CACNA1D: variants seen among roughly 807,000 people sequenced by gnomAD.
CACNA1D encodes the protein calcium voltage-gated channel subunit alpha1 D, also known as voltage-dependent L-type calcium channel subunit alpha-1D.
A neutral mutation model predicts 257.1 loss-of-function variants in CACNA1D; 55 were observed. The ratio of observed to expected loss-of-function variants is 0.21; its 90% CI spans 0.17 to 0.27. CACNA1D has a LOEUF of 0.27. Ranked by LOEUF, CACNA1D falls within the 10% of genes least tolerant of loss-of-function variation. The probability of loss-of-function intolerance (pLI) is 1.00; values close to 1 mark genes in which losing one functional copy is unlikely to be tolerated. For synonymous variants in CACNA1D, 980 were observed against 1,014.9 expected (o/e 0.97, Z 0.65); for missense variants, 1,876 against 2,784.0 (o/e 0.67, Z 7.34).
rs745397912 is a variant in CACNA1D at position 53,811,138 on chromosome 3, G to A, written c.6218G>A (p.Arg2073His). The A allele has an allele frequency of 8.7e-6, 14 of 1,613,832 alleles. No individual in the cohort carries two copies. Among genetic ancestry groups the A allele is most frequent in the East Asian group, 2.2e-5 (1 of 44,892 alleles). ...EAVLISEGLG[R>H]YARDPKFVSA... ...GTCCTGATATCCGAAGGCTTGGGAC[G>A]CTATGCAAGGGACCCAAAATTTGTG... Residue 2073 changes from arginine to histidine, a missense_variant, in exon 48 of 48, where the codon CGC (arginine) becomes CAC (histidine). By Grantham distance (29) the Arg-to-His change is conservative. Transcript: ENST00000350061. The surrounding 1 kb of genome is among the most constrained non-coding windows in gnomAD (Gnocchi z 4.2).
chr3:53,512,243 A>G lies in CACNA1D; in HGVS notation c.483+10523A>G, dbSNP rs1304311357. On this transcript the variant is annotated intron_variant, in intron 3 of 47. Transcript: ENST00000350061. ...TGGTGGGAGTGAAATTAAAACATCC[A>G]AAATTCTAAATTAGAATGTGGCAAA... is the stretch of plus-strand genomic sequence containing the variant. Among the ~76,000 whole-genome samples, 3 of 152,246 alleles carry G rather than the reference A, an allele frequency of 2.0e-5. No homozygotes were observed. In the East Asian group the frequency reaches 5.8e-4, roughly 29 times the overall value.
At chr3:53,667,580 T>C (rs1559490400) in intron 7 of CACNA1D, among the ~76,000 whole-genome samples, 1 of 152,232 alleles carries the variant, frequency 6.6e-6, no homozygotes, top group Non-Finnish European at 1.5e-5. Flanking sequence ...CTTTTCAGGA[T>C]TTCCTATACT....
At chr3:53,695,049 C>T (rs2094561254) in intron 8 of CACNA1D, among the ~76,000 whole-genome samples, 1 of 152,206 alleles carries the variant, frequency 6.6e-6, no homozygotes, top group Non-Finnish European at 1.5e-5. Context: ...TCACTCAGCA[C>T]TTATGCTTCT....
intron 9 of CACNA1D, among the ~76,000 whole-genome samples, chr3:53,711,216 A>C (rs1394993461): frequency 6.6e-6 from 1 of 152,252 alleles, no homozygotes; most frequent in Non-Finnish European, 1.5e-5. Flanking sequence ...ATTACACTCC[A>C]GCCTGGGTAA....
chr3:53,807,368 C>T (rs1423205317), intron 45 of CACNA1D: 1 of 152,350 alleles, frequency 6.6e-6, no homozygotes, highest in Non-Finnish European at 1.5e-5. Flanking sequence ...ACAGTGCGCA[C>T]TGGGCACGAG....
At chr3:53,595,532 C>T (rs973569152) in intron 3 of CACNA1D, among the ~76,000 whole-genome samples, 6 of 152,148 alleles carry the variant, frequency 3.9e-5, no homozygotes, top group Admixed American at 2.6e-4. Flanking sequence ...CAGCTGGCCC[C>T]GGGAACTATT....
chr3:53,730,586 C>A (rs758605308), intron 16 of CACNA1D, 30 bp downstream of exon 16: 3 of 1,501,976 alleles, frequency 2.0e-6, no homozygotes, highest in Non-Finnish European at 1.9e-6. Flanking sequence ...ACGTGTTTGT[C>A]CAGGGGCTGT....
chr3:53,531,524 G>A (rs1366994380), intron 3 of CACNA1D, among the ~76,000 whole-genome samples: 1 of 152,150 alleles, frequency 6.6e-6, no homozygotes, highest in South Asian at 2.1e-4. Context: ...GATAATTTAG[G>A]CTAAAAGAAA....
chr3:53,622,307 T>A (rs754768525), intron 3 of CACNA1D, among the ~76,000 whole-genome samples: 1 of 152,228 alleles, frequency 6.6e-6, no homozygotes, highest in Non-Finnish European at 1.5e-5. Flanking sequence ...CGTTAGGCAG[T>A]TTCTTATAAG....
intron 3 of CACNA1D, among the ~76,000 whole-genome samples, chr3:53,590,752 A>G (rs576110135): frequency 1.8e-4 from 28 of 152,290 alleles, no homozygotes; most frequent in Non-Finnish European, 2.6e-4. Flanking sequence ...TTCCTCATGT[A>G]GAAGGTGATC....
intron 7 of CACNA1D, among the ~76,000 whole-genome samples, chr3:53,670,193 A>G (rs542928281): frequency 1.3e-5 from 2 of 152,292 alleles, no homozygotes; most frequent in Non-Finnish European, 2.9e-5. Flanking sequence ...ATCTCTCTGT[A>G]ACCAGCCGAG....
chr3:53,692,405 G>C (rs2094536842), intron 8 of CACNA1D, among the ~76,000 whole-genome samples: 1 of 152,126 alleles, frequency 6.6e-6, no homozygotes, highest in South Asian at 2.1e-4. Flanking sequence ...ACAGTGGCCT[G>C]GTGTTGAAAG....
intron 3 of CACNA1D, among the ~76,000 whole-genome samples, chr3:53,598,413 TA>T (rs1376541209): frequency 2.0e-3 from 275 of 134,814 alleles, no homozygotes; most frequent in South Asian, 4.8e-3. Flanking sequence ...CCGTCTCTAC[TA>T]AAAAAAAAAA....
rs183982103 is a variant in CACNA1D at position 53,495,656 on chromosome 3, C to T, written c.67+423C>T. On this transcript the variant is annotated intron_variant, in intron 1 of 47. Coordinates refer to ENST00000350061, the MANE Select transcript of CACNA1D (RefSeq NM_001128840.3). This position sits in a 1 kb window ranked among gnomAD's most constrained non-coding sequence, Gnocchi z 5.1. Reference sequence around the variant, plus strand: ...CCCCTCGTTGACTAGGAAGAAGGTCCCTGGTGGCATCCGGAAAATTCTAGG... The same window carrying T: ...CCCCTCGTTGACTAGGAAGAAGGTCTCTGGTGGCATCCGGAAAATTCTAGG... Among the ~76,000 whole-genome samples the T allele has an allele frequency of 1.7e-4, 26 of 152,342 alleles. No homozygotes were observed. The highest frequency in any genetic ancestry group is 5.8e-4 in the African/African-American group (24 of 41,588).
chr3:53,681,630 G>C (rs923235112), intron 8 of CACNA1D, among the ~76,000 whole-genome samples: 4 of 152,140 alleles, frequency 2.6e-5, no homozygotes, highest in African/African-American at 9.7e-5. Context: ...TGTAGGCACC[G>C]TGTAGGCACT....
intron 3 of CACNA1D, among the ~76,000 whole-genome samples, chr3:53,536,719 T>C (rs975947325): frequency 2.0e-5 from 3 of 152,260 alleles, no homozygotes; most frequent in Non-Finnish European, 4.4e-5. Context: ...AAAATTCACA[T>C]TTCAGTTACC....
intron 3 of CACNA1D, among the ~76,000 whole-genome samples, chr3:53,607,729 A>G (rs1375813773): frequency 6.6e-6 from 1 of 152,248 alleles, no homozygotes; most frequent in African/African-American, 2.4e-5. Context: ...GTATCTGTGA[A>G]GTAAGAGTTG....
chr3:53,730,537 G>A lies in CACNA1D; in HGVS notation c.2317G>A (p.Glu773Lys), dbSNP rs760668822. The change falls in exon 16 of 48, where the codon GAG becomes AAG. Residue 773 changes from glutamate (E) to lysine (K), a missense_variant. Glu to Lys is a moderately conservative substitution (Grantham distance 56). This residue lies in a region of CACNA1D where 78 missense variants were observed against 69.2 expected (regional missense o/e 1.13). Transcript: ENST00000350061. ...TCAGAAAGAAGAAGCGGAAGAAAAG[G>A]AGAGGAAAAAGATTGCCAGGTAACC... ...TAQKEEAEEK[E>K]RKKIARKESL... is the part of the protein sequence containing the mutation. 1.2e-6 allele frequency: 2 copies of A among 1,613,796 alleles called. No homozygotes were observed. The highest frequency in any genetic ancestry group is 2.2e-5 in the East Asian group (1 of 44,888).
intron 14 of CACNA1D, among the ~76,000 whole-genome samples, chr3:53,725,199 C>T (rs2094923437): frequency 1.3e-5 from 2 of 152,210 alleles, no homozygotes; most frequent in Admixed American, 1.3e-4. Flanking sequence ...TTTCCACAGA[C>T]AGGAGCTCAC....
Sources: allele counts gnomAD v4.1 joint callset (sites outside exome capture counted in the v4.1 genomes callset), GRCh38; gene constraint gnomAD v4.1.1; regional missense constraint gnomAD v4.1.1; non-coding constraint Gnocchi (gnomAD v3.1); transcripts MANE v1.5; gene names NCBI Gene and HGNC (gene_info 2026-07-23, HGNC 2026-07-21).